DOP1B: variants seen among roughly 807,000 people sequenced by gnomAD.
The protein encoded by DOP1B is DOP1 leucine zipper like protein B.
In DOP1B, 174 loss-of-function variants were observed where a neutral mutation model predicts 233.5. The ratio of observed to expected loss-of-function variants is 0.75; its 90% CI spans 0.66 to 0.85. The LOEUF (loss-of-function observed/expected upper bound fraction) is 0.85, where lower values mean the gene tolerates loss of function less well. DOP1B is among the 40% of genes least tolerant of loss of function. The pLI is 0.00. For missense variants in DOP1B, 2,652 were observed against 2,846.6 expected, an observed-to-expected ratio of 0.93 and a Z score of 1.56; for synonymous variants, 1,190 against 1,185.6, an observed-to-expected ratio of 1.00 and a Z score of -0.08.
At chr21:36,261,027 G>C in intron 24 of DOP1B, 7 of 1,123,896 alleles carry the variant, frequency 6.2e-6, no homozygotes, top group Non-Finnish European at 1.1e-6. Context: ...TACAGAAAAA[G>C]AAAAAAACCA....
intron 16 of DOP1B, among the ~76,000 whole-genome samples, chr21:36,238,028 A>G (rs931193900): frequency 1.3e-5 from 2 of 152,134 alleles, no homozygotes; most frequent in Non-Finnish European, 2.9e-5. Context: ...TTAGCCGGGC[A>G]TGGTGGCACA....
chr21:36,263,237 C>A (rs1319903761), intron 24 of DOP1B, among the ~76,000 whole-genome samples: 1,059 of 102,110 alleles, frequency 0.01, no homozygotes, highest in Non-Finnish European at 0.011. Context: ...TCCGTCTCAC[C>A]AAAAAAAAAA....
At chr21:36,226,294 C>G (rs980739823) in intron 12 of DOP1B, among the ~76,000 whole-genome samples, 2 of 148,066 alleles carry the variant, frequency 1.4e-5, no homozygotes, top group Admixed American at 1.3e-4. Flanking sequence ...GTCTCTCTCT[C>G]TCTTTTTTTT....
At chr21:36,196,182 A>T (rs533905498) in intron 2 of DOP1B, among the ~76,000 whole-genome samples, 73 of 152,328 alleles carry the variant, frequency 4.8e-4, no homozygotes, top group African/African-American at 1.7e-3. Context: ...CAAAAATGAG[A>T]TTTGGTAGTG....
intron 2 of DOP1B, among the ~76,000 whole-genome samples, chr21:36,167,091 C>T (rs377753381): frequency 5.3e-5 from 8 of 152,216 alleles, no homozygotes; most frequent in Non-Finnish European, 7.4e-5. Flanking sequence ...AGCAGTAGAA[C>T]CGCATTGAGT....
At chr21:36,271,458 G>A (rs2067288793) in intron 27 of DOP1B, among the ~76,000 whole-genome samples, 1 of 152,016 alleles carries the variant, frequency 6.6e-6, no homozygotes, top group African/African-American at 2.4e-5. Flanking sequence ...GGTTAGTAAA[G>A]ACAGCGTTTC....
At chr21:36,169,000 T>G in intron 2 of DOP1B, 1 of 769,072 alleles carries the variant, frequency 1.3e-6, no homozygotes, top group Non-Finnish European at 2.3e-6. Flanking sequence ...CAATTCGGTC[T>G]TTCTCGAGTG....
At chr21:36,241,346 C>G (rs1019843101) in intron 18 of DOP1B, among the ~76,000 whole-genome samples, 2 of 151,816 alleles carry the variant, frequency 1.3e-5, no homozygotes, top group African/African-American at 4.8e-5. Context: ...AGCAAGCTCA[C>G]TTCAAAGACA....
chr21:36,272,673 A>G (rs948208670), intron 27 of DOP1B, among the ~76,000 whole-genome samples: 3 of 139,318 alleles, frequency 2.2e-5, no homozygotes, highest in African/African-American at 8.1e-5. Context: ...AAAAAGGACT[A>G]TCCTAGTAAC....
In DOP1B at chr21:36,162,846, G is replaced by A. The variant is rs569610117; in HGVS notation, c.-26-1862G>A. ...CAGGTGTGAGTCACCATGCCCAGCC[G>A]CCAGGGAATGTATTTAGCAGTTGGT... On this transcript the variant is annotated intron_variant, in intron 1 of 36. Coordinates refer to ENST00000691173, the MANE Select transcript of DOP1B (RefSeq NM_001320714.2). Among the ~76,000 whole-genome samples, 7 of 151,974 alleles carry A rather than the reference G, an allele frequency of 4.6e-5. No individual in the cohort carries two copies. The East Asian group carries it at 5.8e-4, about 13-fold the overall frequency.
chr21:36,185,028 A>G (rs2066147924), intron 2 of DOP1B, among the ~76,000 whole-genome samples: 2 of 152,148 alleles, frequency 1.3e-5, no homozygotes, highest in African/African-American at 4.8e-5. Flanking sequence ...TTGTAGTAAG[A>G]CTGTGTCCCG....
rs756665654 is a variant in DOP1B, at chr21:36,231,118, G to A, written c.2334G>A (p.Thr778=). 2.4e-5 allele frequency: 38 copies of A among 1,583,240 alleles called. No homozygotes were observed. The East Asian group carries it at 4.5e-4, about 19-fold the overall frequency. Residue 778 remains threonine, a synonymous_variant, in exon 14 of 37, where the codon ACG becomes ACA. Transcript: ENST00000691173. ...SEEETEQLCA[T]LFQLPGAGDS... ...AAGAGACCGAGCAGCTCTGTGCAAC[G>A]CTCTTCCAGCTGCCAGGTGAGAGGC...
intron 30 of DOP1B, 37 bp from the exon 31 acceptor site, chr21:36,280,248 T>C: frequency 6.9e-7 from 1 of 1,454,790 alleles, no homozygotes; most frequent in Non-Finnish European, 9.6e-7. Flanking sequence ...TATCATCCAC[T>C]GCAAATTTAA....
intron 35 of DOP1B, among the ~76,000 whole-genome samples, chr21:36,289,931 T>C (rs2146260260): frequency 1.3e-5 from 2 of 152,248 alleles, no homozygotes; most frequent in East Asian, 3.9e-4. Context: ...AGAGGATTTT[T>C]AGGGCAGTGA....
intron 36 of DOP1B, 34 bp downstream of exon 36, chr21:36,292,267 T>TTTC: frequency 6.5e-7 from 1 of 1,532,610 alleles, no homozygotes; most frequent in Admixed American, 2.1e-5. Context: ...TTTTTTTTTT[T>TTTC]TTTTGGTGAG....
rs369966001 is a variant in DOP1B, at chr21:36,286,750, T to C, written c.6161-1264T>C. Reference sequence around the variant, plus strand: ...TCCAAGGCAGGTGGATCATCTGAGGTCAGGAGTTAAAAGATCAGCCTGGCC... The same window carrying C: ...TCCAAGGCAGGTGGATCATCTGAGGCCAGGAGTTAAAAGATCAGCCTGGCC... On this transcript the variant is annotated intron_variant, in intron 32 of 36. Coordinates refer to ENST00000691173, the MANE Select transcript of DOP1B (RefSeq NM_001320714.2). Among the ~76,000 whole-genome samples, 8 of 151,820 alleles carry C rather than the reference T, an allele frequency of 5.3e-5. No individual in the cohort carries two copies. In the East Asian group the frequency reaches 1.5e-3, roughly 29 times the overall value.
intron 17 of DOP1B, 23 bp from the exon 18 acceptor site, chr21:36,239,742 C>T (rs745860393): frequency 2.0e-6 from 3 of 1,513,782 alleles, no homozygotes; most frequent in Non-Finnish European, 2.7e-6. Flanking sequence ...CGAGTGAACT[C>T]ACTGGTGTGT....
At position 36,283,181 on chromosome 21, in the gene DOP1B, A is replaced by G. The variant is rs928593891; in HGVS notation, c.6160+1570A>G. ...ATTGAAACCTCCGCCTCCTAGGTTC[A>G]AGTGATTCTCCTGCCTCAGCCTCCA... On this transcript the variant is annotated intron_variant, in intron 32 of 36. Transcript: ENST00000691173. Among the ~76,000 whole-genome samples the G allele has an allele frequency of 5.9e-5, 9 of 152,010 alleles. 1 individual carries two copies. Among genetic ancestry groups the G allele is most frequent in the African/African-American group, 2.2e-4 (9 of 41,414 alleles).
chr21:36,281,045 G>A (rs999264359), intron 31 of DOP1B, among the ~76,000 whole-genome samples: 1 of 152,032 alleles, frequency 6.6e-6, no homozygotes, highest in Non-Finnish European at 1.5e-5. Context: ...AGTGGCTCAC[G>A]CCAATCCCAG....
Sources: gnomAD v4.1 joint callset for allele counts (sites outside exome capture counted in the v4.1 genomes callset) on GRCh38, gnomAD v4.1.1 for gene constraint, MANE v1.5 for transcripts, NCBI Gene and HGNC (gene_info 2026-07-23, HGNC 2026-07-21) for gene names.